Variants in COL14A1 observed in about 807,000 individuals in gnomAD.
COL14A1 encodes the protein collagen alpha-1(XIV) chain.
Under a neutral mutation model 230.3 loss-of-function variants are expected in COL14A1, and 136 were observed. The ratio of observed to expected loss-of-function variants is 0.59; its 90% CI spans 0.51 to 0.68. The LOEUF is 0.68. Ranked by LOEUF, COL14A1 falls within the 30% of genes least tolerant of loss-of-function variation. COL14A1 has a pLI of 0.00. For synonymous variants in COL14A1, 792 were observed against 784.1 expected, an observed-to-expected ratio of 1.01 and a Z score of -0.17; for missense variants, 1,976 against 2,215.8, an observed-to-expected ratio of 0.89 and a Z score of 2.17.
rs1176113765 is a variant in COL14A1, at chr8:120,266,909, T to C, written c.3073+26T>C. 5 of 1,574,644 alleles carry C rather than the reference T, an allele frequency of 3.2e-6. No homozygotes were observed. In the South Asian group the frequency reaches 5.5e-5, roughly 17 times the overall value. On this transcript the variant is annotated intron_variant, in intron 25 of 47. Transcript: ENST00000297848. ...GTAAAAGAATAATAGAATAATTATC[T>C]GATTCTAGGTTTAGGATTTGTGTTG...
chr8:120,325,404 C>A (rs1481728273), intron 40 of COL14A1, among the ~76,000 whole-genome samples: 1 of 152,168 alleles, frequency 6.6e-6, no homozygotes, highest in Non-Finnish European at 1.5e-5. Context: ...TAAGTGAATT[C>A]ACATATTATG....
intron 19 of COL14A1, among the ~76,000 whole-genome samples, chr8:120,242,376 G>A (rs1414352033): frequency 1.3e-5 from 2 of 152,184 alleles, no homozygotes; most frequent in African/African-American, 4.8e-5. Flanking sequence ...CTGCTTTTTA[G>A]TATTCCATGT....
chr8:120,245,915 A>G (rs1818747673), intron 20 of COL14A1, among the ~76,000 whole-genome samples: 1 of 152,180 alleles, frequency 6.6e-6, no homozygotes, highest in Admixed American at 6.5e-5. Flanking sequence ...GCTGCAGTCT[A>G]TTTATTGGTC....
chr8:120,336,524 G>GC lies in COL14A1; in HGVS notation c.4785+3794dup, dbSNP rs370505988. ...GGACTATCCCAAGAGGCTCTCATTG[G>GC]CCCCCTGGTCTCTGCTTTAGCCCTG... On this transcript the variant is annotated intron_variant, in intron 42 of 47. Transcript: ENST00000297848. Among the ~76,000 whole-genome samples the GC allele has an allele frequency of 1.0e-3, 157 of 152,164 alleles. 1 individual carries two copies. The highest frequency in any genetic ancestry group is 3.5e-3 in the African/African-American group (144 of 41,516).
intron 18 of COL14A1, among the ~76,000 whole-genome samples, chr8:120,229,077 CT>C (rs1187257610): frequency 2.1e-4 from 26 of 122,348 alleles, no homozygotes; most frequent in East Asian, 1.9e-3. Context: ...TTGCCCTCCT[CT>C]TTTTTTTTTC....
At chr8:120,261,817 G>A (rs1414971594) in intron 23 of COL14A1, among the ~76,000 whole-genome samples, 5 of 152,134 alleles carry the variant, frequency 3.3e-5, no homozygotes, top group African/African-American at 1.2e-4. Context: ...GATTTTCAGA[G>A]TGGATGCAGG....
chr8:120,147,865 T>A lies in COL14A1; in HGVS notation c.23T>A (p.Met8Lys). MKIFQRK[M>K]RYWLLPPFLA... ...AAAATGAAGATTTTCCAGCGCAAGA[T>A]GCGGTACTGGTTGCTTCCACCTTTT... The change falls in exon 2 of 48, where the codon ATG becomes AAG. Residue 8 changes from methionine (M) to lysine (K), a missense_variant. Met to Lys is a moderately conservative substitution (Grantham distance 95). Coordinates refer to ENST00000297848, the MANE Select transcript of COL14A1 (RefSeq NM_021110.4). The A allele has an allele frequency of 3.1e-6, 5 of 1,613,990 alleles. No individual in the cohort carries two copies. Among genetic ancestry groups the A allele is most frequent in the Non-Finnish European group, 4.2e-6 (5 of 1,179,928 alleles).
chr8:120,314,541 T>C (rs866290175), intron 38 of COL14A1, among the ~76,000 whole-genome samples: 1 of 152,150 alleles, frequency 6.6e-6, no homozygotes, highest in Admixed American at 6.5e-5. Context: ...TTTTGTACCA[T>C]TGAAAAAAAA....
At chr8:120,357,349 G>A (rs1823024311) in intron 45 of COL14A1, among the ~76,000 whole-genome samples, 1 of 152,132 alleles carries the variant, frequency 6.6e-6, no homozygotes, top group African/African-American at 2.4e-5. Flanking sequence ...TCACTGTGGA[G>A]CTCTTCGTGG....
At chr8:120,196,464 C>G (rs1409889174) in intron 5 of COL14A1, among the ~76,000 whole-genome samples, 1 of 152,162 alleles carries the variant, frequency 6.6e-6, no homozygotes, top group African/African-American at 2.4e-5. Context: ...TAAGACCTTT[C>G]CTGGAAAGAA....
chr8:120,317,119 A>G (rs918630079), intron 40 of COL14A1, among the ~76,000 whole-genome samples: 1 of 152,170 alleles, frequency 6.6e-6, no homozygotes, highest in African/African-American at 2.4e-5. Context: ...AGACTGGATT[A>G]TATAGAGTGG....
chr8:120,185,865 T>C (rs1003080446), intron 5 of COL14A1, among the ~76,000 whole-genome samples: 4 of 152,102 alleles, frequency 2.6e-5, no homozygotes, highest in Non-Finnish European at 5.9e-5. Context: ...CTCTGCCTCC[T>C]GGGTTCAAGC....
At chr8:120,323,171 T>C (rs937086779) in intron 40 of COL14A1, among the ~76,000 whole-genome samples, 10 of 152,244 alleles carry the variant, frequency 6.6e-5, no homozygotes, top group African/African-American at 1.9e-4. Context: ...TGATCAGTGA[T>C]GTTGAGCTTT....
chr8:120,156,211 C>T (rs1335227077), intron 2 of COL14A1, among the ~76,000 whole-genome samples: 1 of 150,102 alleles, frequency 6.7e-6, no homozygotes. Flanking sequence ...TCTGTCTCGT[C>T]CAGGCTGGAG....
At chr8:120,156,349 A>G (rs1357068968) in intron 2 of COL14A1, among the ~76,000 whole-genome samples, 2 of 152,038 alleles carry the variant, frequency 1.3e-5, no homozygotes, top group Admixed American at 6.6e-5. Flanking sequence ...CTGTATTTTT[A>G]GTAGAGATGG....
chr8:120,292,640 T>C (rs1820407649), intron 34 of COL14A1, among the ~76,000 whole-genome samples: 2 of 152,122 alleles, frequency 1.3e-5, no homozygotes, highest in Non-Finnish European at 1.5e-5. Flanking sequence ...AACCTTGATA[T>C]ACATTTGTAC....
At chr8:120,335,287 A>G (rs766668579) in intron 42 of COL14A1, among the ~76,000 whole-genome samples, 7 of 152,228 alleles carry the variant, frequency 4.6e-5, no homozygotes, top group Non-Finnish European at 8.8e-5. Flanking sequence ...TCCCACAAAT[A>G]AAACACTTGT....
chr8:120,285,233 C>A (rs1369226309), intron 32 of COL14A1, among the ~76,000 whole-genome samples: 1 of 151,620 alleles, frequency 6.6e-6, no homozygotes, highest in Non-Finnish European at 1.5e-5. Flanking sequence ...GTGGGCAGAT[C>A]ATGAGGTCAG....
intron 26 of COL14A1, among the ~76,000 whole-genome samples, chr8:120,276,190 A>G (rs1819837927): frequency 6.6e-6 from 1 of 151,426 alleles, no homozygotes; most frequent in African/African-American, 2.4e-5. Flanking sequence ...CAGCCATAAA[A>G]AAGAACAAAG....
Sources: allele counts gnomAD v4.1 joint callset (sites outside exome capture counted in the v4.1 genomes callset), GRCh38; gene constraint gnomAD v4.1.1; transcripts MANE v1.5; gene names NCBI Gene and HGNC (gene_info 2026-07-23, HGNC 2026-07-21).